MMP26: variants seen among roughly 807,000 people sequenced by gnomAD.
MMP26 encodes matrix metalloproteinase-26.
MMP26 carries 33 observed loss-of-function variants against 31.0 expected under a neutral mutation model. The observed-to-expected ratio is 1.06, with a 90% CI of 0.81 to 1.42. The LOEUF (loss-of-function observed/expected upper bound fraction) is 1.42, where lower values mean the gene tolerates loss of function less well. Ranked by LOEUF, MMP26 falls within the 40% of genes most tolerant of loss-of-function variation. The probability of loss-of-function intolerance (pLI) is 0.00; values close to 1 mark genes in which losing one functional copy is unlikely to be tolerated. For synonymous variants in MMP26, 122 were observed against 114.9 expected (o/e 1.06, Z -0.40); for missense variants, 347 against 316.1 (o/e 1.10, Z -0.74).
chr11:4,772,974 C>T (rs998851579), intron 2 of MMP26, among the ~76,000 whole-genome samples: 3 of 152,240 alleles, frequency 2.0e-5, no homozygotes, highest in Non-Finnish European at 1.5e-5. Flanking sequence ...TATCTCTACC[C>T]GGCATTCCCA....
intron 1 of MMP26, among the ~76,000 whole-genome samples, chr11:4,740,494 C>T (rs918324363): frequency 1.3e-5 from 2 of 151,846 alleles, no homozygotes; most frequent in African/African-American, 4.8e-5. Flanking sequence ...CCAGCCTGGC[C>T]AACATAGTGA....
chr11:4,830,310 T>G (rs531203383), intron 2 of MMP26: 1 of 152,246 alleles, frequency 6.6e-6, no homozygotes, highest in South Asian at 2.1e-4. Context: ...ACACTGTAGT[T>G]TATAGAGATC....
chr11:4,830,920 C>A (rs1226766999), intron 2 of MMP26, among the ~76,000 whole-genome samples: 1 of 152,102 alleles, frequency 6.6e-6, no homozygotes, highest in Non-Finnish European at 1.5e-5. Context: ...GGGCCAGTAG[C>A]AATTGCACTG....
chr11:4,882,748 G>T, intron 2 of MMP26: 1 of 1,613,874 alleles, frequency 6.2e-7, no homozygotes, highest in Non-Finnish European at 8.5e-7. Context: ...ATATTTATCT[G>T]CTCTTACCAC....
intron 2 of MMP26, among the ~76,000 whole-genome samples, chr11:4,884,079 C>T (rs1018681728): frequency 4.6e-5 from 7 of 152,100 alleles, no homozygotes; most frequent in Admixed American, 2.6e-4. Context: ...GATTTTGCTT[C>T]GCTTGGGCTC....
chr11:4,736,288 A>G (rs1253877306), intron 1 of MMP26: 3 of 152,130 alleles, frequency 2.0e-5, no homozygotes, highest in African/African-American at 4.8e-5. Context: ...GTGTGGGCAT[A>G]AGGAGGCGCT....
intron 2 of MMP26, among the ~76,000 whole-genome samples, chr11:4,957,359 T>G (rs1292231149): frequency 6.6e-6 from 1 of 152,224 alleles, no homozygotes; most frequent in Admixed American, 6.5e-5. Context: ...TCTTCTGCTT[T>G]CACACCAATT....
intron 2 of MMP26, among the ~76,000 whole-genome samples, chr11:4,961,203 G>A (rs865812275): frequency 1.3e-5 from 2 of 152,160 alleles, no homozygotes; most frequent in Non-Finnish European, 1.5e-5. Context: ...CTACATACAC[G>A]CATATGTTTA....
chr11:4,843,986 G>A (rs1481232615), intron 2 of MMP26, among the ~76,000 whole-genome samples: 1 of 152,020 alleles, frequency 6.6e-6, no homozygotes, highest in African/African-American at 2.4e-5. Flanking sequence ...AAACAAAAAG[G>A]TTTTTTGAAA....
intron 2 of MMP26, among the ~76,000 whole-genome samples, chr11:4,895,741 T>C (rs901295497): frequency 1.3e-5 from 2 of 152,130 alleles, no homozygotes; most frequent in Admixed American, 6.6e-5. Flanking sequence ...CTGGGCAACA[T>C]AGGGAGACCC....
Position 4,881,153 on chromosome 11 carries a change from G to A in MMP26, c.-144-106915G>A, listed in dbSNP as rs118038282. Among the ~76,000 whole-genome samples, 77 of 152,252 alleles carry A rather than the reference G, an allele frequency of 5.1e-4. No homozygotes were observed. In the East Asian group the frequency reaches 0.012, roughly 24 times the overall value. On this transcript the variant is annotated intron_variant, in intron 2 of 7. Transcript: ENST00000380390. ...GAACTTTGACCTACCACTGGCTCCAGAGTGTATGACCTCACAGAGAGAAAG... is the reference window on the plus strand; with the variant it reads ...GAACTTTGACCTACCACTGGCTCCAAAGTGTATGACCTCACAGAGAGAAAG...
At chr11:4,905,384 T>C (rs927933429) in intron 2 of MMP26, among the ~76,000 whole-genome samples, 2 of 152,144 alleles carry the variant, frequency 1.3e-5, no homozygotes, top group Admixed American at 1.3e-4. Flanking sequence ...AAGTAAAATA[T>C]ATTGGCCCAA....
intron 2 of MMP26, among the ~76,000 whole-genome samples, chr11:4,773,377 G>A (rs1038920909): frequency 2.0e-5 from 3 of 152,186 alleles, no homozygotes; most frequent in Non-Finnish European, 4.4e-5. Flanking sequence ...AACCAGCCAA[G>A]AACTGAACAT....
At chr11:4,761,220 T>A (rs561061370) in intron 1 of MMP26, among the ~76,000 whole-genome samples, 2 of 152,326 alleles carry the variant, frequency 1.3e-5, no homozygotes, top group East Asian at 3.9e-4. Flanking sequence ...TCCAATAAAT[T>A]CTTCCTTGTG....
intron 2 of MMP26, among the ~76,000 whole-genome samples, chr11:4,854,348 C>T (rs142878271): frequency 2.0e-5 from 3 of 152,162 alleles, no homozygotes; most frequent in African/African-American, 4.8e-5. Flanking sequence ...CCAGGAAAAT[C>T]GGGACACTCC....
chr11:4,862,165 T>A (rs1589922824), intron 2 of MMP26, among the ~76,000 whole-genome samples: 1 of 152,314 alleles, frequency 6.6e-6, no homozygotes, highest in East Asian at 1.9e-4. Context: ...ATTCCAAATA[T>A]CCATAGTAGC....
intron 2 of MMP26, chr11:4,943,226 T>C (rs1846242058): frequency 5.4e-6 from 1 of 185,466 alleles, no homozygotes; most frequent in Non-Finnish European, 1.1e-5. Context: ...CTAGAATCTT[T>C]TTAAAAAGTA....
At chr11:4,778,726 C>T (rs1848821002) in intron 2 of MMP26, among the ~76,000 whole-genome samples, 1 of 151,858 alleles carries the variant, frequency 6.6e-6, no homozygotes, top group Admixed American at 6.6e-5. Context: ...AATATTAAAC[C>T]TTATAATTCA....
At chr11:4,915,864 A>G in intron 2 of MMP26, 1 of 504,808 alleles carries the variant, frequency 2.0e-6, no homozygotes, top group Non-Finnish European at 3.5e-6. Context: ...TTTGTCTCAT[A>G]GTTTCAATAA....
Sources: allele counts gnomAD v4.1 joint callset (sites outside exome capture counted in the v4.1 genomes callset), GRCh38; gene constraint gnomAD v4.1.1; transcripts MANE v1.5; gene names NCBI Gene and HGNC (gene_info 2026-07-23, HGNC 2026-07-21).